CDKL5: variants seen among roughly 807,000 people sequenced by gnomAD.
CDKL5 encodes the protein cyclin-dependent kinase-like 5.
CDKL5 carries 8 observed loss-of-function variants against 61.7 expected under a neutral mutation model. The ratio of observed to expected loss-of-function variants is 0.13; its 90% CI spans 0.08 to 0.23. CDKL5 has a LOEUF of 0.23. CDKL5 is among the 10% of genes least tolerant of loss of function. The pLI, the probability that CDKL5 is intolerant of heterozygous loss-of-function variation, is 1.00. For synonymous variants in CDKL5, 275 were observed against 272.3 expected, an observed-to-expected ratio of 1.01 and a Z score of -0.10; for missense variants, 440 against 734.5, an observed-to-expected ratio of 0.60 and a Z score of 4.63.
At chrX:18,434,352 A>G (rs1931565412) in intron 1 of CDKL5, among the ~76,000 whole-genome samples, 1 of 111,601 alleles carries the variant, frequency 9.0e-6, no homozygotes, top group Non-Finnish European at 1.9e-5. Context: ...CAGGCAGGTA[A>G]ATCAATAACT....
chrX:18,641,712 C>A (rs1376988375), downstream of CDKL5: 1 of 341,622 alleles, frequency 2.9e-6, no homozygotes, highest in South Asian at 4.0e-5. Context: ...ATCACTGAGA[C>A]AAAAAATGAG....
intron 3 of CDKL5, among the ~76,000 whole-genome samples, chrX:18,540,156 GGTTGTTGTTGTT>G (rs745863506): frequency 2.8e-5 from 3 of 109,090 alleles, no homozygotes; most frequent in Admixed American, 9.7e-5. Context: ...TTACTTTCTT[GGTTGTTGTTGTT>G]GTTGTTGTTG....
intron 1 of CDKL5, among the ~76,000 whole-genome samples, chrX:18,493,675 A>T (rs1448659561): frequency 9.0e-6 from 1 of 111,209 alleles, no homozygotes; most frequent in Non-Finnish European, 1.9e-5. Context: ...TTTTTCTTGG[A>T]GTTGAGGACA....
chrX:18,637,534 C>T lies in CDKL5; in HGVS notation c.*8777C>T, dbSNP rs758657383. 3 of 110,908 alleles carry T rather than the reference C, an allele frequency of 2.7e-5. No homozygotes were observed. Among genetic ancestry groups the T allele is most frequent in the Non-Finnish European group, 5.7e-5 (3 of 53,000 alleles). 9.1% of individuals were successfully genotyped at this position (110,908 alleles called of 1,213,427 possible). Reference sequence around the variant, plus strand: ...CCAAGATCGCACCACTGCACTCCCACCTGGACGACAGAGCGAGACGCCATC... The same window carrying T: ...CCAAGATCGCACCACTGCACTCCCATCTGGACGACAGAGCGAGACGCCATC... On this transcript the variant is annotated 3_prime_UTR_variant, in exon 18 of 18. Coordinates refer to ENST00000623535, the MANE Select transcript of CDKL5 (RefSeq NM_001323289.2).
rs373018800 is a variant in CDKL5, at chrX:18,522,546, T to C, written c.99+11692T>C. Among the ~76,000 whole-genome samples, 681 of 108,105 alleles carry C rather than the reference T, an allele frequency of 6.3e-3. 8 individuals are homozygous for C. The highest frequency in any genetic ancestry group is 0.021 in the African/African-American group (635 of 29,714). The allele number at this position is 108,105 out of a possible 115,157, so 93.9% of individuals were successfully genotyped here. A position where few individuals can be genotyped will look rare whatever the true frequency, so the allele number is the denominator to read the frequency against. ...TTTTAGTAGAGACAGGGTTTTGCCA[T>C]GTTGGCCAGGCTGGTCTCAAACTCT... is the stretch of plus-strand genomic sequence containing the variant. On this transcript the variant is annotated intron_variant, in intron 3 of 17. Coordinates refer to ENST00000623535, the MANE Select transcript of CDKL5 (RefSeq NM_001323289.2).
At position 18,628,414 on chromosome X, in the gene CDKL5, C is replaced by T. The variant is rs755573510; in HGVS notation, c.2540C>T (p.Ser847Leu). 1 of 1,209,921 alleles carries T rather than the reference C, an allele frequency of 8.3e-7. No individual in the cohort carries two copies. The highest frequency in any genetic ancestry group is 1.7e-5 in the African/African-American group (1 of 57,279). Reference protein sequence around the residue: ...KSLRKLLHLSSASNHPASSDP... With the variant: ...KSLRKLLHLSLASNHPASSDP... ...CTGCGCAAGTTGTTACATCTCTCTT[C>T]GGCCTCAAATCACCCGGCTTCCTCA... Residue 847 changes from serine (S) to leucine (L), a missense_variant, in exon 18 of 18, where the codon TCG (serine) becomes TTG (leucine). Ser to Leu is a moderately radical substitution (Grantham distance 145). Coordinates refer to ENST00000623535, the MANE Select transcript of CDKL5 (RefSeq NM_001323289.2).
intron 8 of CDKL5, among the ~76,000 whole-genome samples, chrX:18,586,644 T>C (rs1432860724): frequency 1.8e-5 from 2 of 112,164 alleles, no homozygotes; most frequent in Non-Finnish European, 3.8e-5. Context: ...CCTTTTGAAA[T>C]CAGGTATTTG....
At chrX:18,475,295 TTTC>T (rs1921264871) in intron 1 of CDKL5, among the ~76,000 whole-genome samples, 1 of 110,733 alleles carries the variant, frequency 9.0e-6, no homozygotes, top group African/African-American at 3.3e-5. Flanking sequence ...CTTTTCTTTT[TTTC>T]TTCTTTGTTT....
intron 5 of CDKL5, 129 bp from the exon 6 acceptor site, chrX:18,579,719 T>C: frequency 1.6e-6 from 1 of 626,791 alleles, no homozygotes; most frequent in Non-Finnish European, 2.5e-6. Context: ...AAGTTGTAGA[T>C]AGAAAGCAAA....
intron 1 of CDKL5, among the ~76,000 whole-genome samples, chrX:18,461,066 T>G (rs1932276307): frequency 8.9e-6 from 1 of 112,522 alleles, no homozygotes; most frequent in Admixed American, 9.4e-5. Flanking sequence ...TTTTCTTGTT[T>G]CCATTTTATT....
rs762697854 is a variant in CDKL5 at position 18,476,383 on chromosome X, T to C, written c.-162-30552T>C. Among the ~76,000 whole-genome samples the C allele has an allele frequency of 8.1e-5, 9 of 110,995 alleles. 1 individual carries two copies. Among genetic ancestry groups the C allele is most frequent in the African/African-American group, 2.9e-4 (9 of 30,530 alleles). On this transcript the variant is annotated intron_variant, in intron 1 of 17. Coordinates refer to ENST00000623535, the MANE Select transcript of CDKL5 (RefSeq NM_001323289.2). ...GGCATGCACCACGATGCCTGGCTACTTTTTTGTATTTTTGATAGAGACAGG... is the reference window on the plus strand; with the variant it reads ...GGCATGCACCACGATGCCTGGCTACCTTTTTGTATTTTTGATAGAGACAGG...
intron 3 of CDKL5, among the ~76,000 whole-genome samples, chrX:18,558,140 G>A (rs1924668558): frequency 9.0e-6 from 1 of 110,815 alleles, no homozygotes; most frequent in Non-Finnish European, 1.9e-5. Context: ...CTAATTTTAA[G>A]GTAGAATTAA....
chrX:18,480,857 C>CTT (rs200858035), intron 1 of CDKL5, among the ~76,000 whole-genome samples: 15 of 96,617 alleles, frequency 1.6e-4, no homozygotes, highest in East Asian at 3.2e-4. Context: ...TTCTTTCTTC[C>CTT]TTTTTTTTTT....
At position 18,471,999 on chromosome X, in the gene CDKL5, C is replaced by T. The variant is rs183508310; in HGVS notation, c.-162-34936C>T. 4.5e-5 allele frequency among the ~76,000 whole-genome samples: 5 copies of T among 111,982 alleles called. No homozygotes were observed. In the East Asian group the frequency reaches 1.4e-3, roughly 31 times the overall value. On this transcript the variant is annotated intron_variant, in intron 1 of 17. Transcript: ENST00000623535. ...CAAGTGATCCACCCACTTTGGCCTC[C>T]GAAAGTTCTGGGATTACAGGCATGA...
chrX:18,602,138 A>G (rs948461900), intron 11 of CDKL5, among the ~76,000 whole-genome samples: 22 of 111,694 alleles, frequency 2.0e-4, no homozygotes, highest in Non-Finnish European at 5.6e-5. Context: ...AAGCCCAACC[A>G]GAAGCTAGCT....
At chrX:18,616,633 A>C (rs1171638216) in intron 15 of CDKL5, among the ~76,000 whole-genome samples, 2 of 110,836 alleles carry the variant, frequency 1.8e-5, no homozygotes, top group Non-Finnish European at 3.8e-5. Flanking sequence ...CTAAAAAAAA[A>C]AAAAAGAAAG....
At chrX:18,470,379 A>C (rs1478819151) in intron 1 of CDKL5, among the ~76,000 whole-genome samples, 1 of 79,705 alleles carries the variant, frequency 1.3e-5, no homozygotes, top group African/African-American at 5.0e-5. Flanking sequence ...AGAAGAAAAG[A>C]AAAAAAAAAA....
intron 4 of CDKL5, among the ~76,000 whole-genome samples, chrX:18,574,070 C>G (rs779992975): frequency 9.0e-6 from 1 of 111,531 alleles, no homozygotes; most frequent in South Asian, 3.8e-4. Context: ...GTGCCCCTAT[C>G]TCCACACTCC....
Position 18,556,882 on chromosome X carries a change from C to CAAAA in CDKL5, c.100-7574_100-7571dup, listed in dbSNP as rs67362338. ...TGGGAAACAGAGCAAGACTCCGTCT[C>CAAAA]AAAAAAAAAAAAAAAAAAAAAAAAG... is the stretch of plus-strand genomic sequence containing the variant. On this transcript the variant is annotated intron_variant, in intron 3 of 17. Transcript: ENST00000623535. 8.7e-4 allele frequency among the ~76,000 whole-genome samples: 39 copies of CAAAA among 44,894 alleles called. 2 individuals carry two copies. Among genetic ancestry groups the CAAAA allele is most frequent in the African/African-American group, 3.2e-3 (31 of 9,561 alleles). 39.0% of individuals were successfully genotyped at this position (44,894 alleles called of 115,157 possible). A position where few individuals can be genotyped will look rare whatever the true frequency, so the allele number is the denominator to read the frequency against.
Sources: gnomAD v4.1 joint callset for allele counts (sites outside exome capture counted in the v4.1 genomes callset) on GRCh38, gnomAD v4.1.1 for gene constraint, MANE v1.5 for transcripts, NCBI Gene and HGNC (gene_info 2026-07-23, HGNC 2026-07-21) for gene names.